The following LYPLA1 variants were observed in gnomAD, a reference collection of about 807,000 sequenced individuals.
The protein encoded by LYPLA1 is acyl-protein thioesterase 1.
Under a neutral mutation model 34.0 loss-of-function variants are expected in LYPLA1, and 17 were observed. The observed-to-expected ratio is 0.50, with a 90% CI of 0.34 to 0.75. The LOEUF (loss-of-function observed/expected upper bound fraction) is 0.75, where lower values mean the gene tolerates loss of function less well. Among genes scored for constraint, LYPLA1 ranks in the 30% least tolerant of loss-of-function variants. The probability of loss-of-function intolerance (pLI) is 0.01; values close to 1 mark genes in which losing one functional copy is unlikely to be tolerated. For synonymous variants in LYPLA1, 98 were observed against 100.8 expected, an observed-to-expected ratio of 0.97 and a Z score of 0.17; for missense variants, 203 against 288.8, an observed-to-expected ratio of 0.70 and a Z score of 2.15.
intron 4 of LYPLA1, 68 bp from the exon 5 acceptor site, chr8:54,062,392 C>T (rs1382406726): frequency 1.1e-5 from 9 of 832,470 alleles, no homozygotes; most frequent in South Asian, 3.8e-5. Context: ...TATTTTACTA[C>T]ATTCATGGTA....
At chr8:54,075,471 G>C (rs1332482930) in intron 2 of LYPLA1, among the ~76,000 whole-genome samples, 1 of 152,250 alleles carries the variant, frequency 6.6e-6, no homozygotes. Context: ...CGCTGAGGAG[G>C]ATCCCAACTG....
chr8:54,078,661 G>A (rs1275862557), intron 2 of LYPLA1, among the ~76,000 whole-genome samples: 1 of 152,188 alleles, frequency 6.6e-6, no homozygotes, highest in Non-Finnish European at 1.5e-5. Context: ...CTAGACTTGT[G>A]ACTTTGGGAT....
Position 54,095,034 on chromosome 8 carries a change from AT to A in LYPLA1, c.101+5873del, listed in dbSNP as rs36051350. Among the ~76,000 whole-genome samples, 864 of 146,350 alleles carry A rather than the reference AT, an allele frequency of 5.9e-3. 3 individuals carry two copies. The highest frequency in any genetic ancestry group is 0.025 in the Middle Eastern group (7 of 276). ...TAAATAATAAATCCAGAATAAAGGA[AT>A]TTTTTTTTTTTTTGAGACTGAGTCT... is the stretch of plus-strand genomic sequence containing the variant. On this transcript the variant is annotated intron_variant, in intron 2 of 8. Transcript: ENST00000316963.
At chr8:54,069,442 G>A (rs1174709694) in intron 2 of LYPLA1, among the ~76,000 whole-genome samples, 1 of 152,180 alleles carries the variant, frequency 6.6e-6, no homozygotes, top group Non-Finnish European at 1.5e-5. Context: ...GGCCAGGCAT[G>A]GTGGCTCATG....
intron 2 of LYPLA1, among the ~76,000 whole-genome samples, chr8:54,069,453 C>A (rs1727991040): frequency 6.6e-6 from 1 of 152,118 alleles, no homozygotes; most frequent in Non-Finnish European, 1.5e-5. Flanking sequence ...GTGGCTCATG[C>A]CTGTAATCCC....
At chr8:54,098,170 C>T (rs1001311035) in intron 2 of LYPLA1, among the ~76,000 whole-genome samples, 2 of 152,000 alleles carry the variant, frequency 1.3e-5, no homozygotes, top group African/African-American at 4.8e-5. Context: ...TTGCAGTGAG[C>T]CATGATTGTG....
intron 1 of LYPLA1, chr8:54,101,549 G>T (rs1272140524): frequency 8.7e-7 from 1 of 1,147,312 alleles, no homozygotes; most frequent in Non-Finnish European, 1.1e-6. Flanking sequence ...GAGGAGCTGG[G>T]GACTGGCCCT....
At chr8:54,062,118 A>G (rs1217700040) in intron 5 of LYPLA1, 136 bp downstream of exon 5, 2 of 593,914 alleles carry the variant, frequency 3.4e-6, no homozygotes, top group Admixed American at 3.6e-5. Flanking sequence ...TCTACTTCCC[A>G]AAGTACTGGG....
intron 2 of LYPLA1, among the ~76,000 whole-genome samples, chr8:54,098,079 C>G (rs557183808): frequency 6.6e-6 from 1 of 151,828 alleles, no homozygotes; most frequent in African/African-American, 2.4e-5. Context: ...AAAAATTAGC[C>G]GGGTGTGGTG....
chr8:54,068,147 C>T (rs961134224), intron 2 of LYPLA1, among the ~76,000 whole-genome samples: 2 of 151,974 alleles, frequency 1.3e-5, no homozygotes, highest in African/African-American at 2.4e-5. Context: ...TGTATATGCA[C>T]ATGTGTATAT....
At chr8:54,074,220 G>C (rs1216849064) in intron 2 of LYPLA1, among the ~76,000 whole-genome samples, 6 of 152,332 alleles carry the variant, frequency 3.9e-5, no homozygotes, top group African/African-American at 1.4e-4. Context: ...CTTGCAGTGA[G>C]CCGAGATCGT....
intron 2 of LYPLA1, among the ~76,000 whole-genome samples, chr8:54,084,978 C>CCCTCTCCCT (rs1278570511): frequency 3.4e-5 from 5 of 148,382 alleles, no homozygotes; most frequent in East Asian, 1.9e-4. Context: ...CTCTCCCTCT[C>CCCTCTCCCT]CCTCTCCCTC....
chr8:54,061,803 G>A (rs908749787), intron 5 of LYPLA1, among the ~76,000 whole-genome samples: 4 of 152,078 alleles, frequency 2.6e-5, no homozygotes, highest in African/African-American at 7.2e-5. Context: ...GTAAAAGGAA[G>A]GAAACAGCAG....
chr8:54,049,357 C>T (rs1780759077), intron 8 of LYPLA1, among the ~76,000 whole-genome samples: 2 of 152,152 alleles, frequency 1.3e-5, no homozygotes, highest in South Asian at 4.2e-4. Flanking sequence ...CTAATATGAG[C>T]TCCCAAGCAC....
intron 2 of LYPLA1, among the ~76,000 whole-genome samples, chr8:54,074,075 A>T (rs1257193344): frequency 6.6e-6 from 1 of 152,116 alleles, no homozygotes; most frequent in East Asian, 1.9e-4. Context: ...GGAGATTGAG[A>T]CCATCCTGGC....
rs1810172181 is a variant in LYPLA1, at chr8:54,101,682, C to A, written c.69+73G>T. 4 of 1,205,024 alleles carry A rather than the reference C, an allele frequency of 3.3e-6. No homozygotes were observed. In the Admixed American group the frequency reaches 1.3e-4, roughly 38 times the overall value. The allele number at this position is 1,205,024 out of a possible 1,614,324, so 74.6% of individuals were successfully genotyped here. A position where few individuals can be genotyped will look rare whatever the true frequency, so the allele number is the denominator to read the frequency against. On this transcript the variant is annotated intron_variant, in intron 1 of 8. Coordinates refer to ENST00000316963, the MANE Select transcript of LYPLA1 (RefSeq NM_006330.4). Reference sequence around the variant, plus strand: ...GCAGGCCGCCACGCGCCCGCAACGCCCACCCCGCGCGAGGGGCAACCACCG... The same window carrying A: ...GCAGGCCGCCACGCGCCCGCAACGCACACCCCGCGCGAGGGGCAACCACCG...
chr8:54,080,956 T>C (rs552165407), intron 2 of LYPLA1, among the ~76,000 whole-genome samples: 2 of 152,350 alleles, frequency 1.3e-5, no homozygotes, highest in East Asian at 1.9e-4. Flanking sequence ...ATTTTCTCCA[T>C]ACCAAAGAAC....
At chr8:54,089,043 T>C (rs986490530) in intron 2 of LYPLA1, among the ~76,000 whole-genome samples, 1 of 152,200 alleles carries the variant, frequency 6.6e-6, no homozygotes, top group African/African-American at 2.4e-5. Flanking sequence ...CAGAAAAAGA[T>C]AGTGGTTGCC....
intron 2 of LYPLA1, chr8:54,073,674 T>C: frequency 5.1e-6 from 2 of 388,760 alleles, no homozygotes. Context: ...GACCATTTGT[T>C]AGTTGCCTTA....
Sources: allele counts gnomAD v4.1 joint callset (sites outside exome capture counted in the v4.1 genomes callset), GRCh38; gene constraint gnomAD v4.1.1; transcripts MANE v1.5; gene names NCBI Gene and HGNC (gene_info 2026-07-23, HGNC 2026-07-21).